Variants in BLM observed in about 807,000 individuals in gnomAD.
BLM encodes BLM RecQ like helicase.
A neutral mutation model predicts 135.3 loss-of-function variants in BLM; 95 were observed. The observed-to-expected ratio is 0.70, with a 90% CI of 0.59 to 0.83. BLM has a LOEUF of 0.83. Among genes scored for constraint, BLM ranks in the 40% least tolerant of loss-of-function variants. BLM has a pLI of 0.00. For synonymous variants in BLM, 520 were observed against 589.2 expected (o/e 0.88, Z 1.70); for missense variants, 1,518 against 1,663.9 (o/e 0.91, Z 1.53).
chr15:90,722,345 A>AGG (rs1894792302), intron 1 of BLM, among the ~76,000 whole-genome samples: 6 of 151,960 alleles, frequency 3.9e-5, no homozygotes, highest in African/African-American at 1.4e-4. Flanking sequence ...TCCTGACCTC[A>AGG]TGATCCACCC....
intron 17 of BLM, 37 bp downstream of exon 17, chr15:90,798,374 T>G: frequency 1.2e-6 from 2 of 1,600,180 alleles, no homozygotes; most frequent in Non-Finnish European, 1.7e-6. Context: ...GTTACTTCAA[T>G]TGAAATTGAA....
intron 15 of BLM, among the ~76,000 whole-genome samples, chr15:90,791,958 G>C (rs576412673): frequency 4.4e-4 from 67 of 152,012 alleles, no homozygotes; most frequent in African/African-American, 1.3e-3. Context: ...TAAATTTCTA[G>C]AGTTAAACTT....
intron 7 of BLM, 36 bp from the exon 8 acceptor site, chr15:90,762,930 T>G: frequency 1.3e-6 from 2 of 1,569,046 alleles, no homozygotes; most frequent in South Asian, 2.2e-5. Flanking sequence ...ACTGTATTCA[T>G]GTACTGATTT....
chr15:90,730,023 A>AT (rs1448051846), intron 1 of BLM, among the ~76,000 whole-genome samples: 1 of 151,228 alleles, frequency 6.6e-6, no homozygotes, highest in African/African-American at 2.4e-5. Flanking sequence ...TTTTTTTCTT[A>AT]TTTTTTATTT....
chr15:90,800,453 C>T lies in BLM; in HGVS notation c.3358+2116C>T, dbSNP rs183642723. Among the ~76,000 whole-genome samples, 33 of 152,028 alleles carry T rather than the reference C, an allele frequency of 2.2e-4. No individual in the cohort carries two copies. The East Asian group carries it at 5.1e-3, about 23-fold the overall frequency. On this transcript the variant is annotated intron_variant, in intron 17 of 21. Coordinates refer to ENST00000355112, the MANE Select transcript of BLM (RefSeq NM_000057.4). ...ATCCCAGCACTTTGGGAGGCTGAGG[C>T]GGGCGGATCACAAGGTCAGGAGTTC...
chr15:90,769,409 T>C (rs770211574), intron 11 of BLM, 29 bp from the exon 12 acceptor site: 1 of 1,613,864 alleles, frequency 6.2e-7, no homozygotes, highest in Non-Finnish European at 8.5e-7. Flanking sequence ...CCAAGTAGTC[T>C]GAAAAGCAGT....
chr15:90,789,584 T>C (rs1465727665), intron 14 of BLM, among the ~76,000 whole-genome samples: 2 of 152,188 alleles, frequency 1.3e-5, no homozygotes, highest in Admixed American at 6.5e-5. Context: ...TGTAGATGGA[T>C]GACTAACCGA....
intron 1 of BLM, among the ~76,000 whole-genome samples, chr15:90,740,586 C>T (rs1026935578): frequency 9.9e-5 from 15 of 152,086 alleles, no homozygotes; most frequent in Non-Finnish European, 1.6e-4. Flanking sequence ...TTCACTCTTT[C>T]GCATATATAG....
At chr15:90,814,390 G>C (rs911465332) in intron 21 of BLM, among the ~76,000 whole-genome samples, 1 of 152,198 alleles carries the variant, frequency 6.6e-6, no homozygotes, top group Non-Finnish European at 1.5e-5. Flanking sequence ...GTTATCTTAA[G>C]GTCTGCAAGG....
At chr15:90,797,886 G>A (rs2151189989) in intron 16 of BLM, among the ~76,000 whole-genome samples, 1 of 152,286 alleles carries the variant, frequency 6.6e-6, no homozygotes, top group African/African-American at 2.4e-5. Context: ...ACTATTCTAG[G>A]AGGCATGGAG....
In BLM at chr15:90,760,922, A is replaced by C; in HGVS notation, c.1549A>C (p.Ser517Arg). The C allele has an allele frequency of 6.2e-7, 1 of 1,614,034 alleles. No individual in the cohort carries two copies. The highest frequency in any genetic ancestry group is 8.5e-7 in the Non-Finnish European group (1 of 1,180,006). ...ETPRLGKKNE[S>R]SYFPGNVLTS... is the part of the protein sequence containing the mutation. Reference sequence around the variant, plus strand: ...ACCAAGACTAGGAAAAAAAAATGAAAGCTCTTATTTCCCAGGAAATGTTCT... The same window carrying C: ...ACCAAGACTAGGAAAAAAAAATGAACGCTCTTATTTCCCAGGAAATGTTCT... The change falls in exon 7 of 22, where the codon AGC becomes CGC. Residue 517 changes from serine to arginine, a missense_variant. Transcript: ENST00000355112.
At position 90,760,735 on chromosome 15, in the gene BLM, T is replaced by G. The variant is rs1156488243; in HGVS notation, c.1362T>G (p.Asn454Lys). ...CPTGNSMKEL[N>K]FSHLPSNSVS... ...CAGGGAATTCTATGAAGGAGTTAAATTTTTCACACCTTCCCTCAAATTCTG... is the reference window on the plus strand; with the variant it reads ...CAGGGAATTCTATGAAGGAGTTAAAGTTTTCACACCTTCCCTCAAATTCTG... Residue 454 changes from asparagine (N) to lysine (K), a missense_variant, in exon 7 of 22, where the codon AAT becomes AAG. This residue lies in a region of BLM where 724 missense variants were observed against 756.9 expected (regional missense o/e 0.96). Transcript: ENST00000355112. 6.2e-7 allele frequency: 1 copy of G among 1,614,090 alleles called. No homozygotes were observed. The highest frequency in any genetic ancestry group is 2.2e-5 in the East Asian group (1 of 44,888).
intron 1 of BLM, among the ~76,000 whole-genome samples, chr15:90,726,902 G>T (rs1025346960): frequency 1.3e-5 from 2 of 152,164 alleles, no homozygotes; most frequent in African/African-American, 4.8e-5. Context: ...TGGGGGTGCA[G>T]ATGTCTCTTT....
chr15:90,742,427 C>T (rs915159646), intron 1 of BLM, among the ~76,000 whole-genome samples: 2 of 152,052 alleles, frequency 1.3e-5, no homozygotes, highest in African/African-American at 4.8e-5. Context: ...TTTTGGCAGT[C>T]TATCCCTTGA....
chr15:90,722,977 A>C (rs1396451354), intron 1 of BLM, among the ~76,000 whole-genome samples: 2 of 152,084 alleles, frequency 1.3e-5, no homozygotes, highest in Non-Finnish European at 2.9e-5. Context: ...AGTAGCTTGG[A>C]TTACAGGCGC....
chr15:90,766,632 T>G (rs1896135825), intron 9 of BLM, among the ~76,000 whole-genome samples: 1 of 152,148 alleles, frequency 6.6e-6, no homozygotes, highest in African/African-American at 2.4e-5. Context: ...TTCTCCGTGT[T>G]GGCCATGCTA....
At chr15:90,755,067 C>A in intron 5 of BLM, 129 bp downstream of exon 5, 1 of 1,183,956 alleles carries the variant, frequency 8.4e-7, no homozygotes, top group Non-Finnish European at 1.2e-6. Flanking sequence ...TTCTTTTCTT[C>A]TAATGTCATA....
intron 17 of BLM, among the ~76,000 whole-genome samples, chr15:90,798,901 A>T (rs112691277): frequency 0.15 from 22,736 of 149,138 alleles, 1,812 homozygotes; most frequent in Non-Finnish European, 0.19. Context: ...GAGAATCGCT[A>T]GAACCCGGGA....
intron 12 of BLM, among the ~76,000 whole-genome samples, chr15:90,776,538 G>T (rs1035203655): frequency 3.3e-5 from 5 of 152,082 alleles, no homozygotes; most frequent in Middle Eastern, 3.4e-3. Context: ...TGTTTTTTGA[G>T]ACAGAGTCCC....
Sources: allele counts gnomAD v4.1 joint callset (sites outside exome capture counted in the v4.1 genomes callset), GRCh38; gene constraint gnomAD v4.1.1; regional missense constraint gnomAD v4.1.1; transcripts MANE v1.5; gene names NCBI Gene and HGNC (gene_info 2026-07-23, HGNC 2026-07-21).